Variants in NTM observed in about 807,000 individuals in gnomAD.
The protein encoded by NTM is IgLON family member 2.
Under a neutral mutation model 42.1 loss-of-function variants are expected in NTM, and 13 were observed. The ratio of observed to expected loss-of-function variants is 0.31; its 90% CI spans 0.20 to 0.49. The LOEUF (loss-of-function observed/expected upper bound fraction) is 0.49. Ranked by LOEUF, NTM falls within the 20% of genes least tolerant of loss-of-function variation. The pLI, the probability that NTM is intolerant of heterozygous loss-of-function variation, is 0.99. For synonymous variants in NTM, 187 were observed against 179.2 expected (o/e 1.04, Z -0.35); for missense variants, 373 against 452.8 (o/e 0.82, Z 1.60).
chr11:131,935,585 G>T (rs1269362673), intron 2 of NTM, among the ~76,000 whole-genome samples: 3 of 151,970 alleles, frequency 2.0e-5, no homozygotes, highest in South Asian at 2.1e-4. Flanking sequence ...TAAGAGAAGG[G>T]TGTCATGAGG....
chr11:131,786,896 G>A (rs2089329799), intron 1 of NTM, among the ~76,000 whole-genome samples: 1 of 152,096 alleles, frequency 6.6e-6, no homozygotes, highest in South Asian at 2.1e-4. Context: ...CTGAAAATAG[G>A]CTTAACTTTA....
At chr11:132,091,785 C>T (rs1025489830) in intron 2 of NTM, among the ~76,000 whole-genome samples, 18 of 152,270 alleles carry the variant, frequency 1.2e-4, no homozygotes, top group South Asian at 8.3e-4. Flanking sequence ...CCCAGTCCCA[C>T]GTGTTTTTAT....
At chr11:132,104,935 A>ACGTGTGTGTGTGTGTG (rs1555263244) in intron 2 of NTM, among the ~76,000 whole-genome samples, 19 of 20,002 alleles carry the variant, frequency 9.5e-4, no homozygotes, top group African/African-American at 3.6e-3. Context: ...ATATATACAT[A>ACGTGTGTGTGTGTGTG]TGTATATATA....
At chr11:132,029,001 A>G (rs1391837548) in intron 2 of NTM, among the ~76,000 whole-genome samples, 2 of 151,812 alleles carry the variant, frequency 1.3e-5, no homozygotes, top group Non-Finnish European at 2.9e-5. Context: ...CATCAGTTCC[A>G]TTTTAGTTTT....
intron 1 of NTM, among the ~76,000 whole-genome samples, chr11:131,468,943 C>T (rs1192236107): frequency 6.6e-6 from 1 of 152,242 alleles, no homozygotes; most frequent in African/African-American, 2.4e-5. Context: ...CATGCAGATT[C>T]TTGTCCATTT....
intron 2 of NTM, among the ~76,000 whole-genome samples, chr11:131,934,822 A>AATGGG (rs1252505335): frequency 6.6e-6 from 1 of 152,196 alleles, no homozygotes; most frequent in Non-Finnish European, 1.5e-5. Flanking sequence ...CAGCATAGAC[A>AATGGG]ATGGGGAGAG....
At chr11:131,567,452 C>T (rs1435827290) in intron 1 of NTM, among the ~76,000 whole-genome samples, 1 of 152,076 alleles carries the variant, frequency 6.6e-6, no homozygotes, top group African/African-American at 2.4e-5. Context: ...TGCACCACTG[C>T]ACTCCAGCCT....
intron 1 of NTM, among the ~76,000 whole-genome samples, chr11:131,798,316 T>C (rs1440686247): frequency 1.3e-5 from 2 of 152,130 alleles, no homozygotes; most frequent in Non-Finnish European, 1.5e-5. Context: ...ACTGGCACAG[T>C]GCTGCAGTTG....
intron 1 of NTM, among the ~76,000 whole-genome samples, chr11:131,478,675 T>C (rs1354968264): frequency 6.6e-6 from 1 of 152,162 alleles, no homozygotes; most frequent in Non-Finnish European, 1.5e-5. Context: ...TTATAATTGT[T>C]AAAAGTGATG....
rs569651558 is a variant in NTM, at chr11:131,885,724, T to A, written c.83-25840T>A. On this transcript the variant is annotated intron_variant, in intron 1 of 8. Coordinates refer to ENST00000683400, the MANE Select transcript of NTM (RefSeq NM_001352005.2). ...GAGCTTTTTGTACTGAGGCCGCGGT[T>A]GAATTATGGAATAACTAGATACATT... Among the ~76,000 whole-genome samples, 26 of 152,324 alleles carry A rather than the reference T, an allele frequency of 1.7e-4. No homozygotes were observed. In the South Asian group the frequency reaches 5.0e-3, roughly 29 times the overall value.
rs937068493 is a variant in NTM at position 132,336,639 on chromosome 11, T to C, written c.*1493T>C. The C allele has an allele frequency of 2.6e-5, 4 of 152,386 alleles. No homozygotes were observed. Among genetic ancestry groups the C allele is most frequent in the African/African-American group, 7.3e-5 (3 of 41,342 alleles). 9.4% of individuals were successfully genotyped at this position (152,386 alleles called of 1,614,324 possible). ...TTTCCCACCTTTGTGTGAGTGTGTA[T>C]GAAAGAGAAGAAAATGCAATTTTTA... On this transcript the variant is annotated 3_prime_UTR_variant, in exon 9 of 9. Coordinates refer to ENST00000683400, the MANE Select transcript of NTM (RefSeq NM_001352005.2).
chr11:132,211,888 C>A, intron 3 of NTM, 134 bp from the exon 4 acceptor site: 1 of 730,974 alleles, frequency 1.4e-6, no homozygotes, highest in Non-Finnish European at 2.0e-6. Context: ...TAAGGTAATT[C>A]CTCTAATTTC....
intron 4 of NTM, among the ~76,000 whole-genome samples, chr11:132,218,974 A>T (rs964768648): frequency 6.6e-6 from 1 of 151,948 alleles, no homozygotes; most frequent in African/African-American, 2.4e-5. Context: ...CTCTCTGAAG[A>T]TGTGCTTCTT....
intron 2 of NTM, among the ~76,000 whole-genome samples, chr11:132,048,998 GT>G (rs1316794615): frequency 6.6e-6 from 1 of 151,460 alleles, no homozygotes; most frequent in East Asian, 1.9e-4. Flanking sequence ...CAGGATTTTT[GT>G]TTTTATTTTT....
intron 1 of NTM, among the ~76,000 whole-genome samples, chr11:131,868,913 CT>C (rs1335695654): frequency 7.9e-5 from 12 of 152,182 alleles, no homozygotes; most frequent in African/African-American, 2.4e-4. Context: ...AGACTCACCA[CT>C]TTGTTTTCCC....
chr11:131,871,639 G>T (rs1489657043), intron 1 of NTM, among the ~76,000 whole-genome samples: 1 of 152,092 alleles, frequency 6.6e-6, no homozygotes, highest in Non-Finnish European at 1.5e-5. Flanking sequence ...TTGCATTTAT[G>T]GGCTTGTTCT....
At chr11:131,767,909 A>G (rs143829413) in intron 1 of NTM, among the ~76,000 whole-genome samples, 1,533 of 152,216 alleles carry the variant, frequency 0.01, 25 homozygotes, top group African/African-American at 0.036. Context: ...TTTGTAAGGT[A>G]GTTTTAGGAT....
At chr11:131,860,624 G>A (rs948808095) in intron 1 of NTM, among the ~76,000 whole-genome samples, 4 of 152,286 alleles carry the variant, frequency 2.6e-5, no homozygotes, top group Non-Finnish European at 4.4e-5. Context: ...AAGGAGCCAC[G>A]CTTACTAGTT....
intron 2 of NTM, among the ~76,000 whole-genome samples, chr11:131,929,966 C>T (rs1456683684): frequency 6.6e-6 from 1 of 152,162 alleles, no homozygotes; most frequent in Non-Finnish European, 1.5e-5. Flanking sequence ...TTCTTATCTA[C>T]TTTTAAACAC....
Sources: allele counts gnomAD v4.1 joint callset (sites outside exome capture counted in the v4.1 genomes callset), GRCh38; gene constraint gnomAD v4.1.1; transcripts MANE v1.5; gene names NCBI Gene and HGNC (gene_info 2026-07-23, HGNC 2026-07-21).